The following PCDHA5 variants were observed in gnomAD, a reference collection of about 807,000 sequenced individuals.
PCDHA5 encodes protocadherin alpha-5.
Under a neutral mutation model 61.6 loss-of-function variants are expected in PCDHA5, and 43 were observed. The observed-to-expected ratio is 0.70, with a 90% CI of 0.55 to 0.90. The LOEUF (loss-of-function observed/expected upper bound fraction) is 0.90, where lower values mean the gene tolerates loss of function less well. Among genes scored for constraint, PCDHA5 ranks in the 40% least tolerant of loss-of-function variants. The pLI, the probability that PCDHA5 is intolerant of heterozygous loss-of-function variation, is 0.00. For synonymous variants in PCDHA5, 627 were observed against 543.9 expected (o/e 1.15, Z -2.13); for missense variants, 1,298 against 1,222.7 (o/e 1.06, Z -0.92).
chr5:140,843,352 A>G (rs2150358043), intron 1 of PCDHA5: 1 of 1,596,016 alleles, frequency 6.3e-7, no homozygotes. Flanking sequence ...AGGCTCCAAA[A>G]GCGTCATCGA....
At position 140,834,409 on chromosome 5, in the gene PCDHA5, C is replaced by G. The variant is rs2150217049; in HGVS notation, c.2352+10282C>G. The stretch of plus-strand genomic sequence containing the variant: ...ATGGTGTGCCCGAATGGATACGACC[C>G]AGGGGGCCGACATCTACTGCTGTTT... On this transcript the variant is annotated intron_variant, in intron 1 of 3. Transcript: ENST00000529859. 4.8e-5 allele frequency: 78 copies of G among 1,610,292 alleles called. 1 individual carries two copies. The highest frequency in any genetic ancestry group is 5.9e-5 in the Non-Finnish European group (70 of 1,177,780).
chr5:140,849,895 A>G (rs2150456565), intron 1 of PCDHA5: 1 of 1,598,460 alleles, frequency 6.3e-7, no homozygotes, highest in South Asian at 1.1e-5. Flanking sequence ...GTGAAGGAGA[A>G]CAACCCGCCG....
chr5:140,896,192 C>G (rs369443676), intron 1 of PCDHA5, among the ~76,000 whole-genome samples: 1 of 152,162 alleles, frequency 6.6e-6, no homozygotes, highest in African/African-American at 2.4e-5. Context: ...TGAATAGTGC[C>G]ATGATGAACA....
chr5:140,877,112 G>T (rs782384853), intron 1 of PCDHA5: 18 of 1,613,552 alleles, frequency 1.1e-5, no homozygotes, highest in African/African-American at 4.0e-5. Context: ...CCTCTGGGCA[G>T]CAACGTGACG....
intron 1 of PCDHA5, chr5:140,855,749 C>T (rs2043605580): frequency 3.1e-6 from 1 of 325,346 alleles, no homozygotes. Context: ...TAATGTGAGG[C>T]TTTGAAAGTC....
intron 1 of PCDHA5, chr5:140,882,355 C>T: frequency 6.2e-7 from 1 of 1,614,166 alleles, no homozygotes; most frequent in African/African-American, 1.3e-5. Context: ...CGGGTAGTGG[C>T]CAGCTCCACT....
intron 1 of PCDHA5, among the ~76,000 whole-genome samples, chr5:140,961,980 T>C (rs909552255): frequency 6.6e-6 from 1 of 151,768 alleles, no homozygotes; most frequent in Non-Finnish European, 1.5e-5. Context: ...GCCTCCTGGG[T>C]TCACGCCATT....
intron 1 of PCDHA5, chr5:140,857,719 G>A (rs781995177): frequency 6.3e-7 from 1 of 1,597,526 alleles, no homozygotes. Flanking sequence ...TGCTGGACGA[G>A]AACGACAACG....
chr5:140,959,061 A>G (rs1434123552), intron 1 of PCDHA5, among the ~76,000 whole-genome samples: 2 of 152,126 alleles, frequency 1.3e-5, no homozygotes, highest in Non-Finnish European at 2.9e-5. Flanking sequence ...AATGCAGTAT[A>G]TATAGAATTC....
At chr5:140,931,471 G>GA (rs1215090719) in intron 1 of PCDHA5, among the ~76,000 whole-genome samples, 9 of 151,796 alleles carry the variant, frequency 5.9e-5, no homozygotes, top group Non-Finnish European at 1.0e-4. Context: ...AATGACAGAG[G>GA]AAAAAACAAC....
chr5:140,970,933 G>T (rs782607345), intron 1 of PCDHA5, among the ~76,000 whole-genome samples: 6 of 152,176 alleles, frequency 3.9e-5, no homozygotes, highest in African/African-American at 9.7e-5. Context: ...CCTGGTGTTA[G>T]TCAATGCTGA....
intron 1 of PCDHA5, chr5:140,858,122 G>A (rs2045205238): frequency 1.3e-6 from 2 of 1,597,922 alleles, no homozygotes; most frequent in Non-Finnish European, 1.7e-6. Flanking sequence ...GGTGGCCCTG[G>A]TGGATGTCAA....
At chr5:141,007,839 A>C (rs782046722) in intron 3 of PCDHA5, among the ~76,000 whole-genome samples, 2 of 152,226 alleles carry the variant, frequency 1.3e-5, no homozygotes, top group Non-Finnish European at 2.9e-5. Context: ...TACCCATTAG[A>C]GACTCAAAGT....
intron 1 of PCDHA5, among the ~76,000 whole-genome samples, chr5:140,888,721 G>A (rs1176739860): frequency 6.6e-6 from 1 of 151,970 alleles, no homozygotes; most frequent in Non-Finnish European, 1.5e-5. Flanking sequence ...AATATTTCCA[G>A]CCCTTTGTGA....
At chr5:140,968,345 G>A in intron 1 of PCDHA5, 2 of 1,614,132 alleles carry the variant, frequency 1.2e-6, no homozygotes, top group Non-Finnish European at 8.5e-7. Flanking sequence ...CATTAACAGT[G>A]CCAGTGGCAG....
At chr5:140,857,602 G>A in intron 1 of PCDHA5, 2 of 1,596,382 alleles carry the variant, frequency 1.3e-6, no homozygotes, top group Non-Finnish European at 8.6e-7. Context: ...AGGTGTACGC[G>A]CTGCAGCCGC....
intron 1 of PCDHA5, chr5:140,858,022 G>A (rs1554151044): frequency 1.3e-6 from 2 of 1,597,054 alleles, no homozygotes; most frequent in Non-Finnish European, 8.6e-7. Flanking sequence ...AGCCGTCGCT[G>A]ACGGCCACGG....
chr5:140,837,274 A>G (rs1774994137), intron 1 of PCDHA5: 1 of 152,032 alleles, frequency 6.6e-6, no homozygotes, highest in South Asian at 2.1e-4. Context: ...TGTAGCACTG[A>G]CTTCTTTTTA....
chr5:140,874,662 G>A (rs1478767625), intron 1 of PCDHA5, among the ~76,000 whole-genome samples: 1 of 152,170 alleles, frequency 6.6e-6, no homozygotes, highest in Non-Finnish European at 1.5e-5. Flanking sequence ...AAACTTTCCA[G>A]AATCTATTCC....
Sources: allele counts gnomAD v4.1 joint callset (sites outside exome capture counted in the v4.1 genomes callset), GRCh38; gene constraint gnomAD v4.1.1; transcripts MANE v1.5; gene names NCBI Gene and HGNC (gene_info 2026-07-23, HGNC 2026-07-21).